EFTUD2: variants seen among roughly 807,000 people sequenced by gnomAD.
The protein encoded by EFTUD2 is elongation factor Tu GTP binding domain containing 2.
Under a neutral mutation model 114.3 loss-of-function variants are expected in EFTUD2, and 9 were observed. That is an observed-to-expected ratio of 0.08 (90% confidence interval 0.05 to 0.14). The LOEUF (loss-of-function observed/expected upper bound fraction) is 0.14. Among genes scored for constraint, EFTUD2 ranks in the 10% least tolerant of loss-of-function variants. EFTUD2 has a pLI of 1.00. For missense variants in EFTUD2, 765 were observed against 1,241.2 expected, an observed-to-expected ratio of 0.62 and a Z score of 5.76; for synonymous variants, 449 against 462.3, an observed-to-expected ratio of 0.97 and a Z score of 0.37.
intron 2 of EFTUD2, 110 bp downstream of exon 2, chr17:44,894,307 T>C (rs1000348735): frequency 2.4e-6 from 2 of 847,320 alleles, no homozygotes; most frequent in South Asian, 1.5e-5. Context: ...GAGGTGGAGG[T>C]TGCAGTGAGC....
intron 2 of EFTUD2, among the ~76,000 whole-genome samples, chr17:44,893,771 G>T (rs924915462): frequency 7.6e-6 from 1 of 132,392 alleles, no homozygotes; most frequent in Non-Finnish European, 1.6e-5. Flanking sequence ...AAAAGGTGGG[G>T]GGGGGGGTGG....
chr17:44,867,402 C>A (rs1008814607), intron 13 of EFTUD2, among the ~76,000 whole-genome samples: 2 of 149,074 alleles, frequency 1.3e-5, no homozygotes, highest in Non-Finnish European at 3.0e-5. Context: ...TGAGTTCAAG[C>A]AATTCTCTTG....
chr17:44,855,252 C>T (rs995255808), intron 20 of EFTUD2, among the ~76,000 whole-genome samples: 1 of 151,788 alleles, frequency 6.6e-6, no homozygotes, highest in Non-Finnish European at 1.5e-5. Context: ...CTGGGTGATA[C>T]AGCAACATAC....
At position 44,884,123 on chromosome 17, in the gene EFTUD2, C is replaced by A. The variant is rs528641973; in HGVS notation, c.351-399G>T. On this transcript the variant is annotated intron_variant, in intron 4 of 27. Transcript: ENST00000426333. ...CTCTACTAAAAATACAAAAATTAGG[C>A]CGGGAGCAGAGGCTCACGCCTGTAA... The A allele has an allele frequency of 2.5e-4, 46 of 186,284 alleles. No individual in the cohort carries two copies. In the East Asian group the frequency reaches 5.4e-3, roughly 22 times the overall value. The allele number at this position is 186,284 out of a possible 1,614,324, so 11.5% of individuals were successfully genotyped here.
chr17:44,854,887 T>C lies in EFTUD2; in HGVS notation c.2132+31A>G, dbSNP rs1337692591. 2 of 1,609,678 alleles carry C rather than the reference T, an allele frequency of 1.2e-6. No homozygotes were observed. Among genetic ancestry groups the C allele is most frequent in the East Asian group, 2.2e-5 (1 of 44,862 alleles). On this transcript the variant is annotated intron_variant, in intron 21 of 27. Coordinates refer to ENST00000426333, the MANE Select transcript of EFTUD2 (RefSeq NM_004247.4). This position sits in a 1 kb window ranked among gnomAD's most constrained non-coding sequence, Gnocchi z 4.3. Reference sequence around the variant, plus strand: ...TTAAACTGTGGCATCCCTGCCTCCTTTCGACCCTGGCGTCAGAGCCCTGTT... The same window carrying C: ...TTAAACTGTGGCATCCCTGCCTCCTCTCGACCCTGGCGTCAGAGCCCTGTT...
In EFTUD2 at chr17:44,883,052, T is replaced by C. The variant is rs1180446090; in HGVS notation, c.492+41A>G. ...AGGAGAGAGACATCTCTATCTGTTC[T>C]GAATGGTTCATCCTAAACCCTCAAC... On this transcript the variant is annotated intron_variant, in intron 6 of 27. Coordinates refer to ENST00000426333, the MANE Select transcript of EFTUD2 (RefSeq NM_004247.4). The C allele has an allele frequency of 1.9e-6, 3 of 1,602,714 alleles. No individual in the cohort carries two copies. The South Asian group carries it at 3.3e-5, about 18-fold the overall frequency.
chr17:44,884,856 C>T (rs573439115), intron 4 of EFTUD2, among the ~76,000 whole-genome samples: 1 of 152,280 alleles, frequency 6.6e-6, no homozygotes, highest in Admixed American at 6.5e-5. Flanking sequence ...CACTGCACTA[C>T]AGCCTGAGCA....
At chr17:44,858,186 T>C (rs1435015607) in intron 19 of EFTUD2, among the ~76,000 whole-genome samples, 6 of 152,170 alleles carry the variant, frequency 3.9e-5, no homozygotes, top group African/African-American at 1.4e-4. Flanking sequence ...ACTTTCAAAG[T>C]GTTGGGGTTA....
chr17:44,876,425 G>A (rs915755245), intron 9 of EFTUD2, among the ~76,000 whole-genome samples: 5 of 152,202 alleles, frequency 3.3e-5, no homozygotes, highest in African/African-American at 1.2e-4. Context: ...ATTAATGCAT[G>A]ATTTTTAATA....
rs2050444411 is a variant in EFTUD2 at position 44,851,382 on chromosome 17, G to A, written c.2824-13C>T. 1.9e-6 allele frequency: 3 copies of A among 1,607,760 alleles called. No individual in the cohort carries two copies. The highest frequency in any genetic ancestry group is 2.2e-5 in the East Asian group (1 of 44,866). On this transcript the variant is annotated splice_polypyrimidine_tract_variant and intron_variant, in intron 27 of 27. Coordinates refer to ENST00000426333, the MANE Select transcript of EFTUD2 (RefSeq NM_004247.4). ...CTTCACTGAGGCCCTGCAGGGAATG[G>A]GGCAAATATAAGAAAGCCCGAGGTG...
rs535457472 is a variant in EFTUD2 at position 44,882,920 on chromosome 17, G to A, written c.492+173C>T. Among the ~76,000 whole-genome samples, 31 of 152,196 alleles carry A rather than the reference G, an allele frequency of 2.0e-4. No homozygotes were observed. The East Asian group carries it at 5.8e-3, about 28-fold the overall frequency. Reference sequence around the variant, plus strand: ...GCAGCTCAATATTCTCTATGCTCCCGAGAAAGTTGAAATTATTTTCTTACA... The same window carrying A: ...GCAGCTCAATATTCTCTATGCTCCCAAGAAAGTTGAAATTATTTTCTTACA... On this transcript the variant is annotated intron_variant, in intron 6 of 27. Coordinates refer to ENST00000426333, the MANE Select transcript of EFTUD2 (RefSeq NM_004247.4).
rs749893961 is a variant in EFTUD2, at chr17:44,857,051, A to G, written c.2045+24T>C. 5 of 1,601,140 alleles carry G rather than the reference A, an allele frequency of 3.1e-6. No homozygotes were observed. The East Asian group carries it at 1.1e-4, about 36-fold the overall frequency. ...AGAGTGTCCAGGAGGCTGCAGTCCCAGGGACACTGTGCTCCCAGCTTACTT... is the reference window on the plus strand; with the variant it reads ...AGAGTGTCCAGGAGGCTGCAGTCCCGGGGACACTGTGCTCCCAGCTTACTT... On this transcript the variant is annotated intron_variant, in intron 20 of 27. Coordinates refer to ENST00000426333, the MANE Select transcript of EFTUD2 (RefSeq NM_004247.4).
chr17:44,891,959 C>T (rs2051287371), intron 2 of EFTUD2: 1 of 152,080 alleles, frequency 6.6e-6, no homozygotes, highest in African/African-American at 2.4e-5. Context: ...GGTTTCACAC[C>T]ACGTTGGCCA....
At chr17:44,886,775 A>C in intron 2 of EFTUD2, 25 bp from the exon 3 acceptor site, 1 of 1,603,642 alleles carries the variant, frequency 6.2e-7, no homozygotes, top group East Asian at 2.2e-5. Flanking sequence ...GAGAGGGAGA[A>C]TCGAAGAGGC....
chr17:44,880,732 C>T (rs1343618934), intron 7 of EFTUD2, 88 bp from the exon 8 acceptor site: 1 of 936,456 alleles, frequency 1.1e-6, no homozygotes, highest in Admixed American at 1.8e-5. Context: ...TAGTAAATTA[C>T]ACTGATGCCT....
chr17:44,898,294 T>C (rs2051433427), intron 1 of EFTUD2, among the ~76,000 whole-genome samples: 1 of 152,322 alleles, frequency 6.6e-6, no homozygotes, highest in Admixed American at 6.5e-5. Context: ...CTCAGTTCAC[T>C]GCAACCTCCG....
At chr17:44,855,135 G>T in intron 20 of EFTUD2, 131 bp from the exon 21 acceptor site, 3 of 770,138 alleles carry the variant, frequency 3.9e-6, no homozygotes, top group Non-Finnish European at 6.8e-6. Context: ...AAGCGTGGTG[G>T]TTCAGACCTG....
At chr17:44,889,227 G>A (rs369361376) in intron 2 of EFTUD2, among the ~76,000 whole-genome samples, 3 of 152,204 alleles carry the variant, frequency 2.0e-5, no homozygotes, top group Non-Finnish European at 4.4e-5. Context: ...CAAGGCAGAG[G>A]TCAGTGGTGA....
At chr17:44,864,354 G>A (rs561667684) in intron 14 of EFTUD2, among the ~76,000 whole-genome samples, 6 of 152,200 alleles carry the variant, frequency 3.9e-5, no homozygotes, top group African/African-American at 1.4e-4. Context: ...AATTCCCACC[G>A]GACTTAGAAT....
Sources: gnomAD v4.1 joint callset for allele counts (sites outside exome capture counted in the v4.1 genomes callset) on GRCh38, gnomAD v4.1.1 for gene constraint, Gnocchi (gnomAD v3.1) non-coding constraint, MANE v1.5 for transcripts, NCBI Gene and HGNC (gene_info 2026-07-23, HGNC 2026-07-21) for gene names.